The following PPM1H variants were observed in gnomAD, a reference collection of about 807,000 sequenced individuals.
PPM1H encodes the protein protein phosphatase, Mg2+/Mn2+ dependent 1H, also known as protein phosphatase 1H.
In PPM1H, 27 loss-of-function variants were observed where a neutral mutation model predicts 54.9. The observed-to-expected ratio is 0.49, with a 90% confidence interval of 0.36 to 0.68. The LOEUF is 0.68. PPM1H is among the 30% of genes least tolerant of loss of function. The probability of loss-of-function intolerance (pLI) is 0.00; values close to 1 mark genes in which losing one functional copy is unlikely to be tolerated. For missense variants in PPM1H, 596 were observed against 667.8 expected, an observed-to-expected ratio of 0.89 and a Z score of 1.19; for synonymous variants, 305 against 270.8, an observed-to-expected ratio of 1.13 and a Z score of -1.24.
chr12:62,831,241 T>C (rs755818274), intron 2 of PPM1H, among the ~76,000 whole-genome samples: 2 of 152,200 alleles, frequency 1.3e-5, no homozygotes, highest in African/African-American at 2.4e-5. Context: ...ATCCTCAAGA[T>C]GATCAGAATG....
chr12:62,758,226 C>T (rs1196940643), intron 4 of PPM1H, among the ~76,000 whole-genome samples: 1 of 152,202 alleles, frequency 6.6e-6, no homozygotes, highest in Non-Finnish European at 1.5e-5. Flanking sequence ...TCAACATCTT[C>T]ATTTGGTTTC....
intron 5 of PPM1H, among the ~76,000 whole-genome samples, chr12:62,731,681 A>G (rs1260260198): frequency 6.6e-6 from 1 of 152,162 alleles, no homozygotes; most frequent in African/African-American, 2.4e-5. Context: ...TCTTCTATAC[A>G]TTGCCCTTGA....
Position 62,813,645 on chromosome 12 carries a change from A to C in PPM1H, c.412-11485T>G, listed in dbSNP as rs79475368. 2.1e-3 allele frequency among the ~76,000 whole-genome samples: 326 copies of C among 152,368 alleles called. 1 individual carries two copies. The highest frequency in any genetic ancestry group is 7.5e-3 in the African/African-American group (313 of 41,580). On this transcript the variant is annotated intron_variant, in intron 2 of 9. Coordinates refer to ENST00000228705, the MANE Select transcript of PPM1H (RefSeq NM_020700.2). The stretch of plus-strand genomic sequence containing the variant: ...ACATGAGCAAATAAGAACATGTCAG[A>C]GCTGGCACTTGATATTCCCAGGAAT...
At chr12:62,737,396 G>T (rs1269081442) in intron 5 of PPM1H, 106 bp downstream of exon 5, 1 of 666,752 alleles carries the variant, frequency 1.5e-6, no homozygotes, top group East Asian at 3.1e-5. Flanking sequence ...TATGTCATTT[G>T]AATGCGGTGA....
intron 1 of PPM1H, among the ~76,000 whole-genome samples, chr12:62,858,046 T>A (rs1247693322): frequency 3.3e-5 from 5 of 151,634 alleles, no homozygotes; most frequent in African/African-American, 1.2e-4. Flanking sequence ...TTGCAATGGA[T>A]CCCCAAATGG....
In PPM1H at chr12:62,737,521, C is replaced by T. The variant is rs376052127; in HGVS notation, c.935G>A (p.Arg312His). ...MSSEFTPETE[R>H]QRLQYLAFMQ... is the part of the protein sequence containing the mutation. Reference sequence around the variant, plus strand: ...TCTTACCAGGTACTGAAGTCGCTGGCGCTCCGTCTCGGGGGTAAATTCTGA... The same window carrying T: ...TCTTACCAGGTACTGAAGTCGCTGGTGCTCCGTCTCGGGGGTAAATTCTGA... The change falls in exon 5 of 10, where the codon CGC (arginine) becomes CAC (histidine). Residue 312 changes from arginine to histidine, a missense_variant. Physicochemically the swap from Arg to His is conservative, Grantham distance 29. Coordinates refer to ENST00000228705, the MANE Select transcript of PPM1H (RefSeq NM_020700.2). 18 of 1,581,408 alleles carry T rather than the reference C, an allele frequency of 1.1e-5. No homozygotes were observed. The highest frequency in any genetic ancestry group is 1.5e-5 in the Non-Finnish European group (17 of 1,162,022).
chr12:62,930,646 A>G lies in PPM1H; in HGVS notation c.245+3846T>C, dbSNP rs191088625. Among the ~76,000 whole-genome samples the G allele has an allele frequency of 4.6e-3, 705 of 151,628 alleles. 9 individuals carry two copies. The highest frequency in any genetic ancestry group is 0.01 in the Middle Eastern group (3 of 294). The stretch of plus-strand genomic sequence containing the variant: ...GGGTTCCCAACCCATTATAAAAATG[A>G]ACCAACCTCCACTTGGGTGGTATTT... On this transcript the variant is annotated intron_variant, in intron 1 of 9. Transcript: ENST00000228705.
rs149126564 is a variant in PPM1H at position 62,932,178 on chromosome 12, C to T, written c.245+2314G>A. 4.7e-3 allele frequency among the ~76,000 whole-genome samples: 712 copies of T among 151,450 alleles called. 6 individuals are homozygous for T. Among genetic ancestry groups the T allele is most frequent in the African/African-American group, 0.011 (473 of 41,262 alleles). ...AAAATTTGTAACATTTTACAGTGGC[C>T]TTCCTAGGCTTCAAGTTGAATATCT... On this transcript the variant is annotated intron_variant, in intron 1 of 9. Transcript: ENST00000228705.
intron 8 of PPM1H, among the ~76,000 whole-genome samples, chr12:62,669,969 CTTTTTTTTTTTTTTT>C (rs1161094944): frequency 4.3e-5 from 2 of 46,424 alleles, no homozygotes; most frequent in Admixed American, 7.8e-4. Flanking sequence ...GGATTGATTC[CTTTTTTTTTTTTTTT>C]TTTTTTTTTT....
intron 4 of PPM1H, among the ~76,000 whole-genome samples, chr12:62,753,545 C>G (rs1161848336): frequency 6.6e-6 from 1 of 152,236 alleles, no homozygotes; most frequent in Non-Finnish European, 1.5e-5. Flanking sequence ...TGAGCTATAG[C>G]TTAGGGATAC....
rs181579711 is a variant in PPM1H at position 62,751,630 on chromosome 12, G to A, written c.870-14044C>T. ...GAATTCTTTAAAAAGATGTAAAGGA[G>A]CTTTGTCTATATTTGCCTGCCAAGA... On this transcript the variant is annotated intron_variant, in intron 4 of 9. Transcript: ENST00000228705. 2.7e-3 allele frequency among the ~76,000 whole-genome samples: 410 copies of A among 152,344 alleles called. 3 individuals are homozygous for A. Among genetic ancestry groups the A allele is most frequent in the South Asian group, 5.0e-3 (24 of 4,824 alleles).
At chr12:62,667,065 C>G in intron 9 of PPM1H, 113 bp downstream of exon 9, 1 of 1,214,490 alleles carries the variant, frequency 8.2e-7, no homozygotes, top group Non-Finnish European at 1.1e-6. Context: ...GTTACTGTAC[C>G]GTCCATATCA....
chr12:62,734,759 G>A (rs951412710), intron 5 of PPM1H, among the ~76,000 whole-genome samples: 1 of 152,176 alleles, frequency 6.6e-6, no homozygotes, highest in Admixed American at 6.5e-5. Flanking sequence ...AGCAGGAGGT[G>A]GGCTGTGCAT....
At chr12:62,817,137 GAAAAAAAAAAAAACTAAAAAAAAGA>G (rs2076872862) in intron 2 of PPM1H, among the ~76,000 whole-genome samples, 20 of 67,352 alleles carry the variant, frequency 3.0e-4, no homozygotes, top group African/African-American at 1.2e-3. Flanking sequence ...AAAAAAAAAA[GAAAAAAAAAAAAACTAAAAAAAAGA>G]AAAAAAAAAA....
intron 8 of PPM1H, among the ~76,000 whole-genome samples, chr12:62,675,883 CTG>C (rs1176893109): frequency 6.6e-6 from 1 of 152,210 alleles, no homozygotes; most frequent in East Asian, 1.9e-4. Flanking sequence ...CATGGGTAAA[CTG>C]TGGGATATTT....
At chr12:62,706,847 C>A (rs2076177427) in intron 6 of PPM1H, among the ~76,000 whole-genome samples, 1 of 152,212 alleles carries the variant, frequency 6.6e-6, no homozygotes, top group South Asian at 2.1e-4. Flanking sequence ...AATTTAAGCT[C>A]ATCTTCACAT....
chr12:62,719,362 C>T (rs2076251983), intron 6 of PPM1H, among the ~76,000 whole-genome samples: 1 of 152,164 alleles, frequency 6.6e-6, no homozygotes, highest in Non-Finnish European at 1.5e-5. Flanking sequence ...TGGTCTCATT[C>T]TCATATGGTC....
intron 1 of PPM1H, among the ~76,000 whole-genome samples, chr12:62,884,483 A>G (rs189183327): frequency 2.6e-4 from 39 of 149,928 alleles, no homozygotes; most frequent in African/African-American, 8.9e-4. Context: ...CCTGGGCAAC[A>G]AGAATGAAAC....
At chr12:62,810,906 C>T (rs1272625954) in intron 2 of PPM1H, among the ~76,000 whole-genome samples, 1 of 152,174 alleles carries the variant, frequency 6.6e-6, no homozygotes, top group Non-Finnish European at 1.5e-5. Flanking sequence ...TGTCTTGGAG[C>T]CTCCTTTCCT....
Sources: allele counts gnomAD v4.1 joint callset (sites outside exome capture counted in the v4.1 genomes callset), GRCh38; gene constraint gnomAD v4.1.1; transcripts MANE v1.5; gene names NCBI Gene and HGNC (gene_info 2026-07-23, HGNC 2026-07-21).